Variants in ATF7IP observed in about 807,000 individuals in gnomAD.
The protein encoded by ATF7IP is activating transcription factor 7 interacting protein.
In ATF7IP, 23 loss-of-function variants were observed where a neutral mutation model predicts 106.4. The observed-to-expected ratio is 0.22, with a 90% confidence interval of 0.16 to 0.31. The LOEUF (loss-of-function observed/expected upper bound fraction) is 0.31. ATF7IP is among the 10% of genes least tolerant of loss of function. The pLI, the probability that ATF7IP is intolerant of heterozygous loss-of-function variation, is 1.00. For synonymous variants in ATF7IP, 542 were observed against 539.0 expected, an observed-to-expected ratio of 1.01 and a Z score of -0.08; for missense variants, 1,334 against 1,524.3, an observed-to-expected ratio of 0.88 and a Z score of 2.08.
At chr12:14,492,660 G>T (rs1270295046) in intron 13 of ATF7IP, among the ~76,000 whole-genome samples, 3 of 152,172 alleles carry the variant, frequency 2.0e-5, no homozygotes, top group Non-Finnish European at 4.4e-5. Context: ...ATTAGCCAAT[G>T]CCAGAGATCT....
rs748700468 is a variant in ATF7IP, at chr12:14,481,239, T to G, written c.3280+54T>G. 9 of 1,591,926 alleles carry G rather than the reference T, an allele frequency of 5.7e-6. No homozygotes were observed. In the South Asian group the frequency reaches 7.8e-5, roughly 14 times the overall value. On this transcript the variant is annotated intron_variant, in intron 13 of 14. Transcript: ENST00000261168. ...AAGATACATGTAGTTCTCTTCAGCA[T>G]TTAGTTGGAATGGCATATAATAATG... is the stretch of plus-strand genomic sequence containing the variant.
chr12:14,491,187 T>C (rs1944808795), intron 13 of ATF7IP, among the ~76,000 whole-genome samples: 1 of 152,092 alleles, frequency 6.6e-6, no homozygotes, highest in Non-Finnish European at 1.5e-5. Flanking sequence ...TGCAGAGCCT[T>C]CTCCTGTTCT....
At chr12:14,370,001 G>A (rs534054834) in intron 1 of ATF7IP, among the ~76,000 whole-genome samples, 2 of 151,006 alleles carry the variant, frequency 1.3e-5, no homozygotes, top group East Asian at 1.9e-4. Context: ...GCAATGGCAC[G>A]ATCTCAGCTC....
intron 5 of ATF7IP, among the ~76,000 whole-genome samples, chr12:14,446,386 G>T (rs1418488217): frequency 6.6e-6 from 1 of 152,162 alleles, no homozygotes; most frequent in Non-Finnish European, 1.5e-5. Context: ...GGCCTTAGGT[G>T]ATCCACCTGC....
At chr12:14,453,354 A>G (rs961654980) in intron 6 of ATF7IP, among the ~76,000 whole-genome samples, 41 of 151,688 alleles carry the variant, frequency 2.7e-4, no homozygotes, top group African/African-American at 9.9e-4. Flanking sequence ...AGTCCTTTAG[A>G]CTTTCTTAGC....
At chr12:14,471,610 C>T (rs1229783368) in intron 10 of ATF7IP, among the ~76,000 whole-genome samples, 1 of 151,980 alleles carries the variant, frequency 6.6e-6, no homozygotes, top group Admixed American at 6.6e-5. Context: ...CCTCAGGAAA[C>T]TTATAGTCAT....
intron 14 of ATF7IP, among the ~76,000 whole-genome samples, chr12:14,496,678 C>A (rs529528887): frequency 6.6e-6 from 1 of 152,086 alleles, no homozygotes; most frequent in Non-Finnish European, 1.5e-5. Context: ...TTTATTCTTT[C>A]GTTCTAAACT....
At chr12:14,474,456 A>G (rs138666680) in intron 10 of ATF7IP, among the ~76,000 whole-genome samples, 6,117 of 147,574 alleles carry the variant, frequency 0.041, 204 homozygotes, top group African/African-American at 0.096. Flanking sequence ...GCTGGAGTGC[A>G]GTCGCGCAAT....
At chr12:14,431,116 C>T (rs1259553928) in intron 2 of ATF7IP, among the ~76,000 whole-genome samples, 1 of 152,182 alleles carries the variant, frequency 6.6e-6, no homozygotes, top group Non-Finnish European at 1.5e-5. Flanking sequence ...ACACAGTTTT[C>T]TACCTTTACT....
Position 14,499,672 on chromosome 12 carries a change from A to G in ATF7IP, c.*1599A>G, listed in dbSNP as rs915058354. ...TTGGATAGAATTTAAAGTATATCCC[A>G]GAATTAGCTGGGCATGTTGGTGCAT... is the stretch of plus-strand genomic sequence containing the variant. On this transcript the variant is annotated 3_prime_UTR_variant, in exon 15 of 15. Transcript: ENST00000261168. 6.6e-6 allele frequency: 1 copy of G among 152,186 alleles called. No homozygotes were observed. Among genetic ancestry groups the G allele is most frequent in the Admixed American group, 6.5e-5 (1 of 15,272 alleles). 9.4% of individuals were successfully genotyped at this position (152,186 alleles called of 1,614,324 possible).
chr12:14,424,844 G>A lies in ATF7IP; in HGVS notation c.929G>A (p.Ser310Asn). ...VPEIDNIEPS[S>N]NKDDDFLEKN... is the part of the protein sequence containing the mutation. ...GAAATTGACAATATAGAACCAAGTAGCAATAAAGATGATGATTTTCTTGAA... is the reference window on the plus strand; with the variant it reads ...GAAATTGACAATATAGAACCAAGTAACAATAAAGATGATGATTTTCTTGAA... Residue 310 changes from serine to asparagine, a missense_variant, in exon 2 of 15, where the codon AGC becomes AAC. Around this residue, in one of 10 missense-constraint regions of ATF7IP, gnomAD observed 438 missense variants for 405.3 expected, o/e 1.08. Coordinates refer to ENST00000261168, the MANE Select transcript of ATF7IP (RefSeq NM_018179.5). 6.2e-7 allele frequency: 1 copy of A among 1,612,928 alleles called. No individual in the cohort carries two copies. The highest frequency in any genetic ancestry group is 1.7e-5 in the Admixed American group (1 of 59,758).
chr12:14,375,274 A>G (rs530830312), intron 1 of ATF7IP, among the ~76,000 whole-genome samples: 1 of 152,100 alleles, frequency 6.6e-6, no homozygotes, highest in South Asian at 2.1e-4. Flanking sequence ...ATGAATTGTC[A>G]TGGGAAGATT....
intron 8 of ATF7IP, among the ~76,000 whole-genome samples, chr12:14,459,188 G>A (rs571829096): frequency 3.9e-5 from 6 of 152,214 alleles, no homozygotes; most frequent in South Asian, 2.1e-4. Context: ...ATACCCAAAC[G>A]TGAATTATCA....
intron 13 of ATF7IP, among the ~76,000 whole-genome samples, chr12:14,494,324 TATATATA>T (rs1944932734): frequency 8.9e-6 from 1 of 112,812 alleles, no homozygotes; most frequent in Non-Finnish European, 1.8e-5. Flanking sequence ...TATATATATA[TATATATA>T]TATGTGTGTG....
intron 6 of ATF7IP, among the ~76,000 whole-genome samples, chr12:14,452,035 C>T (rs1393160197): frequency 1.3e-5 from 2 of 151,978 alleles, no homozygotes; most frequent in Admixed American, 6.6e-5. Context: ...ATTTGGAGCT[C>T]TGATGTAGGG....
chr12:14,414,620 G>A (rs1941106452), intron 1 of ATF7IP, among the ~76,000 whole-genome samples: 1 of 152,120 alleles, frequency 6.6e-6, no homozygotes, highest in East Asian at 1.9e-4. Context: ...TTTTACCTCT[G>A]CCACAAGGCC....
At chr12:14,480,139 A>G (rs1279112206) in intron 12 of ATF7IP, among the ~76,000 whole-genome samples, 2 of 152,056 alleles carry the variant, frequency 1.3e-5, no homozygotes, top group African/African-American at 4.8e-5. Context: ...TATAGCCAGT[A>G]TTTTCCTCCA....
intron 13 of ATF7IP, 132 bp from the exon 14 acceptor site, chr12:14,496,099 T>C: frequency 1.6e-6 from 1 of 627,560 alleles, no homozygotes; most frequent in Admixed American, 2.9e-5. Context: ...GAACAGGACC[T>C]CTAGGTTAGA....
chr12:14,400,753 G>A (rs1360857688), intron 1 of ATF7IP, among the ~76,000 whole-genome samples: 1 of 152,108 alleles, frequency 6.6e-6, no homozygotes, highest in Non-Finnish European at 1.5e-5. Flanking sequence ...CTTAAAAATG[G>A]ATGTGACAGT....
Sources: allele counts gnomAD v4.1 joint callset (sites outside exome capture counted in the v4.1 genomes callset), GRCh38; gene constraint gnomAD v4.1.1; regional missense constraint gnomAD v4.1.1; transcripts MANE v1.5; gene names NCBI Gene and HGNC (gene_info 2026-07-23, HGNC 2026-07-21).